Variants in RBFOX1 observed in about 807,000 individuals in gnomAD.
RBFOX1 encodes the protein RNA binding protein fox-1 homolog 1.
Under a neutral mutation model 57.7 loss-of-function variants are expected in RBFOX1, and 8 were observed. The ratio of observed to expected loss-of-function variants is 0.14; its 90% CI spans 0.08 to 0.25. The LOEUF (loss-of-function observed/expected upper bound fraction) is 0.25, where lower values mean the gene tolerates loss of function less well. RBFOX1 is among the 10% of genes least tolerant of loss of function. The pLI, the probability that RBFOX1 is intolerant of heterozygous loss-of-function variation, is 1.00. For synonymous variants in RBFOX1, 326 were observed against 222.4 expected (o/e 1.47, Z -4.15); for missense variants, 611 against 548.5 (o/e 1.11, Z -1.14).
intron 3 of RBFOX1, among the ~76,000 whole-genome samples, chr16:6,669,800 G>C (rs867852986): frequency 4.6e-5 from 7 of 152,110 alleles, no homozygotes; most frequent in Non-Finnish European, 7.4e-5. Flanking sequence ...TCTAGCTTTT[G>C]GTTAAGGGAG....
chr16:7,265,542 G>A lies in RBFOX1; in HGVS notation c.27+213444G>A, dbSNP rs138807971. ...CAGCTCACTGTAACCTCCGCCTCCC[G>A]TGTTGAAGCGATTCTCCTGCCTCAG... On this transcript the variant is annotated intron_variant, in intron 4 of 15. Coordinates refer to ENST00000550418, the MANE Select transcript of RBFOX1 (RefSeq NM_018723.4). Among the ~76,000 whole-genome samples, 658 of 151,940 alleles carry A rather than the reference G, an allele frequency of 4.3e-3. 2 individuals are homozygous for A. Among genetic ancestry groups the A allele is most frequent in the African/African-American group, 0.015 (626 of 41,464 alleles).
intron 2 of RBFOX1, among the ~76,000 whole-genome samples, chr16:6,456,994 A>C (rs1377518071): frequency 6.6e-6 from 1 of 152,210 alleles, no homozygotes; most frequent in African/African-American, 2.4e-5. Context: ...GATGTTAAGT[A>C]GGCAGCTGAG....
chr16:5,825,477 G>A (rs1427997112), intron 3 of RBFOX1, among the ~76,000 whole-genome samples: 3 of 152,182 alleles, frequency 2.0e-5, no homozygotes, highest in Non-Finnish European at 4.4e-5. Context: ...GGTTTTACCT[G>A]GAATTTGTGG....
At chr16:7,521,577 AG>A (rs2077520090) in intron 5 of RBFOX1, among the ~76,000 whole-genome samples, 1 of 152,228 alleles carries the variant, frequency 6.6e-6, no homozygotes, top group East Asian at 1.9e-4. Flanking sequence ...CAGGCACTGC[AG>A]CAAGATAATC....
At chr16:7,008,294 C>G (rs2093417327) in intron 3 of RBFOX1, among the ~76,000 whole-genome samples, 1 of 152,092 alleles carries the variant, frequency 6.6e-6, no homozygotes, top group Non-Finnish European at 1.5e-5. Flanking sequence ...GTAATCCCAG[C>G]ACTTTGGGAG....
intron 3 of RBFOX1, among the ~76,000 whole-genome samples, chr16:6,864,303 C>A (rs368793480): frequency 2.0e-5 from 3 of 152,124 alleles, no homozygotes; most frequent in African/African-American, 7.2e-5. Context: ...ACACTTCATT[C>A]TTTCCTTATC....
At chr16:7,476,832 T>C (rs889691634) in intron 4 of RBFOX1, among the ~76,000 whole-genome samples, 2 of 152,202 alleles carry the variant, frequency 1.3e-5, no homozygotes, top group Non-Finnish European at 2.9e-5. Flanking sequence ...ATAAATTGCA[T>C]TGAATGGGCT....
chr16:6,421,595 AT>A (rs1397804816), intron 2 of RBFOX1, among the ~76,000 whole-genome samples: 1 of 152,230 alleles, frequency 6.6e-6, no homozygotes, highest in Non-Finnish European at 1.5e-5. Flanking sequence ...TAATGTGGAA[AT>A]AATATTGCAT....
At chr16:6,547,821 C>T (rs777113928) in intron 2 of RBFOX1, among the ~76,000 whole-genome samples, 5 of 151,664 alleles carry the variant, frequency 3.3e-5, no homozygotes, top group Non-Finnish European at 5.9e-5. Context: ...GCATCTAAAC[C>T]TTGGCCTTCA....
chr16:6,435,435 G>C (rs1416134401), intron 2 of RBFOX1, among the ~76,000 whole-genome samples: 1 of 152,024 alleles, frequency 6.6e-6, no homozygotes, highest in East Asian at 1.9e-4. Context: ...CGAGTAGCTG[G>C]GACTATAGGC....
chr16:5,425,852 G>T (rs1204299992), intron 1 of RBFOX1, among the ~76,000 whole-genome samples: 1 of 152,162 alleles, frequency 6.6e-6, no homozygotes, highest in Non-Finnish European at 1.5e-5. Context: ...GCTCTTAGAG[G>T]TAAGCTTTCT....
At chr16:6,401,817 C>A (rs2152954186) in intron 2 of RBFOX1, among the ~76,000 whole-genome samples, 1 of 151,796 alleles carries the variant, frequency 6.6e-6, no homozygotes, top group Admixed American at 6.6e-5. Context: ...ATTTCTTGGG[C>A]AGCTATTGCA....
chr16:7,159,182 G>T (rs1003313760), intron 4 of RBFOX1, among the ~76,000 whole-genome samples: 1 of 152,102 alleles, frequency 6.6e-6, no homozygotes, highest in African/African-American at 2.4e-5. Flanking sequence ...TCAAGTTGTT[G>T]CATGTGCTAA....
intron 1 of RBFOX1, among the ~76,000 whole-genome samples, chr16:6,185,755 T>G (rs2097101188): frequency 6.6e-6 from 1 of 152,254 alleles, no homozygotes; most frequent in Non-Finnish European, 1.5e-5. Flanking sequence ...CTTAAAACAC[T>G]ATAATTTCAT....
intron 1 of RBFOX1, chr16:5,270,239 T>C (rs1426884385): frequency 3.7e-6 from 2 of 540,878 alleles, no homozygotes; most frequent in Non-Finnish European, 6.7e-6. Context: ...AGAAAATACT[T>C]GATCCATTTT....
At chr16:5,653,790 C>T (rs1457710555) in intron 3 of RBFOX1, among the ~76,000 whole-genome samples, 1 of 152,194 alleles carries the variant, frequency 6.6e-6, no homozygotes, top group African/African-American at 2.4e-5. Flanking sequence ...TTACCTGCAG[C>T]CACTGAGTCC....
intron 3 of RBFOX1, among the ~76,000 whole-genome samples, chr16:5,787,322 G>A (rs947076281): frequency 6.6e-6 from 1 of 152,210 alleles, no homozygotes; most frequent in African/African-American, 2.4e-5. Context: ...AGTGCACACA[G>A]AAGAGCCTCA....
chr16:7,063,445 G>A (rs1294692496), intron 4 of RBFOX1, among the ~76,000 whole-genome samples: 1 of 152,082 alleles, frequency 6.6e-6, no homozygotes, highest in Non-Finnish European at 1.5e-5. Flanking sequence ...CCCTTCAAAG[G>A]CCACTGAGAA....
downstream of RBFOX1, chr16:5,601,596 ACT>A (rs1349351204): frequency 6.6e-6 from 1 of 152,066 alleles, no homozygotes; most frequent in Non-Finnish European, 1.5e-5. Flanking sequence ...TGGCTACCAC[ACT>A]CTTCATAATC....
Sources: gnomAD v4.1 joint callset for allele counts (sites outside exome capture counted in the v4.1 genomes callset) on GRCh38, gnomAD v4.1.1 for gene constraint, MANE v1.5 for transcripts, NCBI Gene and HGNC (gene_info 2026-07-23, HGNC 2026-07-21) for gene names.